Variants in NEBL observed in about 807,000 individuals in gnomAD.
The protein encoded by NEBL is LIM and SH3 protein 2.
A neutral mutation model predicts 140.2 loss-of-function variants in NEBL; 122 were observed. The ratio of observed to expected loss-of-function variants is 0.87; its 90% CI spans 0.75 to 1.01. The LOEUF (loss-of-function observed/expected upper bound fraction) is 1.01. Ranked by LOEUF, NEBL falls within the 50% of genes least tolerant of loss-of-function variation. The probability of loss-of-function intolerance (pLI) is 0.00; values close to 1 mark genes in which losing one functional copy is unlikely to be tolerated. For missense variants in NEBL, 1,365 were observed against 1,231.3 expected, an observed-to-expected ratio of 1.11 and a Z score of -1.62; for synonymous variants, 436 against 398.9, an observed-to-expected ratio of 1.09 and a Z score of -1.11.
chr10:20,963,003 A>AACACACACACACACAC (rs35031266), intron 3 of NEBL, among the ~76,000 whole-genome samples: 13 of 143,210 alleles, frequency 9.1e-5, no homozygotes, highest in South Asian at 2.2e-4. Flanking sequence ...TTGAAAGAAA[A>AACACACACACACACAC]ACACACACAC....
chr10:20,871,061 T>A (rs1844879094), intron 5 of NEBL, among the ~76,000 whole-genome samples: 1 of 152,206 alleles, frequency 6.6e-6, no homozygotes, highest in South Asian at 2.1e-4. Context: ...TAAAATATAT[T>A]CTATTAAAGT....
At chr10:21,199,282 C>T (rs1841698564) in intron 3 of NEBL, among the ~76,000 whole-genome samples, 1 of 152,098 alleles carries the variant, frequency 6.6e-6, no homozygotes, top group African/African-American at 2.4e-5. Context: ...ATCCTCCCAC[C>T]TCAGCCTCCC....
chr10:21,206,651 G>A (rs1417168188), intron 3 of NEBL, among the ~76,000 whole-genome samples: 3 of 152,222 alleles, frequency 2.0e-5, no homozygotes, highest in African/African-American at 7.2e-5. Flanking sequence ...GAGGAGACAG[G>A]AGGAACCTCA....
chr10:20,815,414 G>T (rs982302739), intron 22 of NEBL, among the ~76,000 whole-genome samples: 2 of 152,192 alleles, frequency 1.3e-5, no homozygotes, highest in African/African-American at 2.4e-5. Context: ...GTAACTGTTG[G>T]TCACATCTGG....
intron 7 of NEBL, among the ~76,000 whole-genome samples, chr10:20,862,427 G>A (rs1280289919): frequency 6.6e-6 from 1 of 152,054 alleles, no homozygotes; most frequent in East Asian, 1.9e-4. Context: ...TTCTAACCTC[G>A]CTCTTTCTGT....
At chr10:20,963,847 A>G (rs1305219984) in intron 3 of NEBL, among the ~76,000 whole-genome samples, 1 of 152,210 alleles carries the variant, frequency 6.6e-6, no homozygotes, top group Non-Finnish European at 1.5e-5. Context: ...AGAGTGTTGC[A>G]GGATTCCTAT....
At chr10:20,973,399 A>C (rs1340774325) in intron 3 of NEBL, among the ~76,000 whole-genome samples, 1 of 151,872 alleles carries the variant, frequency 6.6e-6, no homozygotes, top group Non-Finnish European at 1.5e-5. Flanking sequence ...GGGCATGAGC[A>C]ACCATGTCCA....
chr10:21,125,568 C>G (rs774121693), intron 2 of NEBL, among the ~76,000 whole-genome samples: 3 of 152,142 alleles, frequency 2.0e-5, no homozygotes, highest in Non-Finnish European at 4.4e-5. Flanking sequence ...GAAGCCATCA[C>G]TGTAGAAAAA....
chr10:20,830,680 A>G (rs762460601), intron 16 of NEBL, among the ~76,000 whole-genome samples: 2 of 151,544 alleles, frequency 1.3e-5, no homozygotes, highest in Non-Finnish European at 2.9e-5. Context: ...AACGTTTGTA[A>G]TTTATTTTTC....
intron 2 of NEBL, among the ~76,000 whole-genome samples, chr10:21,066,971 C>CTTTTTTTTTTTTTT (rs56352671): frequency 1.8e-5 from 2 of 112,832 alleles, no homozygotes; most frequent in Non-Finnish European, 3.5e-5. Flanking sequence ...AATAATTTAA[C>CTTTTTTTTTTTTTT]TTTTTTTTTT....
chr10:20,929,471 C>T (rs906625167), intron 4 of NEBL, among the ~76,000 whole-genome samples: 1 of 152,056 alleles, frequency 6.6e-6, no homozygotes, highest in Admixed American at 6.6e-5. Flanking sequence ...GAGGACTTAC[C>T]CCCTGATACA....
chr10:21,210,250 T>A (rs1241679381), intron 3 of NEBL, among the ~76,000 whole-genome samples: 1 of 151,922 alleles, frequency 6.6e-6, no homozygotes, highest in Non-Finnish European at 1.5e-5. Context: ...AAAACTTAGC[T>A]GGGTGTGGTG....
rs79747943 is a variant in NEBL, at chr10:21,036,637, A to G, written c.165-16436T>C. Among the ~76,000 whole-genome samples, 830 of 152,180 alleles carry G rather than the reference A, an allele frequency of 5.5e-3. 6 individuals carry two copies. Among genetic ancestry groups the G allele is most frequent in the Admixed American group, 0.011 (163 of 15,300 alleles). On this transcript the variant is annotated intron_variant, in intron 2 of 6. Coordinates refer to the NEBL transcript ENST00000417816. ...CCCACAATGGCCAGGCTATTCAAAA[A>G]GTGCATTCAGATCAGCTGGCTACTC...
Position 20,879,433 on chromosome 10 carries a change from A to G in NEBL, c.480+1361T>C, listed in dbSNP as rs544974360. 3.9e-5 allele frequency among the ~76,000 whole-genome samples: 6 copies of G among 152,364 alleles called. No individual in the cohort carries two copies. In the East Asian group the frequency reaches 1.2e-3, roughly 29 times the overall value. ...ATAATTACAGACATGTAGCCTCTTC[A>G]TCTCCTAGCAATCTTAAACTATGTT... On this transcript the variant is annotated intron_variant, in intron 5 of 27. Coordinates refer to ENST00000377122, the MANE Select transcript of NEBL (RefSeq NM_006393.3).
chr10:20,989,300 T>G (rs1313513177), intron 3 of NEBL, among the ~76,000 whole-genome samples: 1 of 148,294 alleles, frequency 6.7e-6, no homozygotes, highest in African/African-American at 2.6e-5. Context: ...AGGTTTTTTG[T>G]TTTTGTTTTT....
rs1355839262 is a variant in NEBL, at chr10:20,889,896, A to T, written c.207T>A (p.Thr69=). ...KKSKDKCTFV[T]DSPMLNHVKN... is the part of the protein sequence containing the mutation. Reference sequence around the variant, plus strand: ...TTACATGGTTTAGCATAGGACTGTCAGTCACAAATGTACACTTATCCTTGG... The same window carrying T: ...TTACATGGTTTAGCATAGGACTGTCTGTCACAAATGTACACTTATCCTTGG... The change falls in exon 3 of 28, where the codon ACT becomes ACA. Residue 69 remains threonine, a synonymous_variant. Coordinates refer to ENST00000377122, the MANE Select transcript of NEBL (RefSeq NM_006393.3). 6.2e-7 allele frequency: 1 copy of T among 1,612,936 alleles called. No individual in the cohort carries two copies. The highest frequency in any genetic ancestry group is 1.1e-5 in the South Asian group (1 of 90,942).
Position 21,110,683 on chromosome 10 carries a change from T to C in NEBL, c.164+61700A>G, listed in dbSNP as rs150639411. On this transcript the variant is annotated intron_variant, in intron 2 of 6. Transcript: ENST00000417816. ...TACCTAAGCATATGCCACCACCCCA[T>C]GGAAGGCTCAGTGGACATGGACATG... is the stretch of plus-strand genomic sequence containing the variant. 1.0e-3 allele frequency: 477 copies of C among 472,624 alleles called. 1 individual carries two copies. Among genetic ancestry groups the C allele is most frequent in the African/African-American group, 8.5e-3 (433 of 51,078 alleles). The allele number at this position is 472,624 out of a possible 1,614,324, so 29.3% of individuals were successfully genotyped here.
At chr10:21,123,573 T>C (rs757898544) in intron 2 of NEBL, among the ~76,000 whole-genome samples, 2 of 152,070 alleles carry the variant, frequency 1.3e-5, no homozygotes, top group Non-Finnish European at 2.9e-5. Context: ...TTTACTGATG[T>C]TATTTCCCAT....
At chr10:21,273,746 G>A (rs1243748838) in intron 1 of NEBL, among the ~76,000 whole-genome samples, 5 of 152,192 alleles carry the variant, frequency 3.3e-5, no homozygotes, top group Non-Finnish European at 5.9e-5. Context: ...TAAGTGCTCT[G>A]CCCAGCTGAG....
Sources: gnomAD v4.1 joint callset for allele counts (sites outside exome capture counted in the v4.1 genomes callset) on GRCh38, gnomAD v4.1.1 for gene constraint, MANE v1.5 for transcripts, NCBI Gene and HGNC (gene_info 2026-07-23, HGNC 2026-07-21) for gene names.